Variants in RBFOX1 observed in about 807,000 individuals in gnomAD.
RBFOX1 encodes the protein RNA binding protein fox-1 homolog 1.
In RBFOX1, 8 loss-of-function variants were observed where a neutral mutation model predicts 57.7. That is an observed-to-expected ratio of 0.14 (90% CI 0.08 to 0.25). RBFOX1 has a LOEUF of 0.25. Among genes scored for constraint, RBFOX1 ranks in the 10% least tolerant of loss-of-function variants. The pLI is 1.00. For synonymous variants in RBFOX1, 326 were observed against 222.4 expected (o/e 1.47, Z -4.15); for missense variants, 611 against 548.5 (o/e 1.11, Z -1.14).
chr16:5,960,064 G>C (rs192794732), intron 4 of RBFOX1, among the ~76,000 whole-genome samples: 1 of 152,130 alleles, frequency 6.6e-6, no homozygotes, highest in African/African-American at 2.4e-5. Flanking sequence ...AGCCGGGCAT[G>C]GTGACATGTG....
intron 4 of RBFOX1, among the ~76,000 whole-genome samples, chr16:7,109,910 C>G: frequency 6.6e-6 from 1 of 152,142 alleles, no homozygotes; most frequent in Admixed American, 6.5e-5. Context: ...AAAGAGCCCC[C>G]TATCAGGTAA....
At chr16:6,667,129 G>A (rs1206455004) in intron 3 of RBFOX1, among the ~76,000 whole-genome samples, 4 of 152,068 alleles carry the variant, frequency 2.6e-5, no homozygotes, top group Non-Finnish European at 4.4e-5. Context: ...GGAGAGGGAG[G>A]CAGGTAAAAA....
intron 1 of RBFOX1, chr16:5,240,193 C>G (rs1299492346): frequency 1.1e-6 from 1 of 935,868 alleles, no homozygotes; most frequent in Non-Finnish European, 1.7e-6. Flanking sequence ...GGCTCCGTGG[C>G]CGGCCCCGGG....
At chr16:6,811,744 C>G (rs12918659) in intron 3 of RBFOX1, among the ~76,000 whole-genome samples, 60,399 of 151,924 alleles carry the variant, frequency 0.4, 12,987 homozygotes, top group Non-Finnish European at 0.46. Context: ...CAGAAATTAG[C>G]TGGGCGTGGT....
At chr16:5,713,681 G>C (rs1231410766) in intron 3 of RBFOX1, among the ~76,000 whole-genome samples, 1 of 152,196 alleles carries the variant, frequency 6.6e-6, no homozygotes, top group Non-Finnish European at 1.5e-5. Context: ...TTGTAGATAA[G>C]TTCTTGCTCT....
chr16:6,660,381 T>A (rs959502949), intron 3 of RBFOX1, among the ~76,000 whole-genome samples: 1 of 152,132 alleles, frequency 6.6e-6, no homozygotes, highest in South Asian at 2.1e-4. Context: ...ATCCCGCACA[T>A]GTACCCCAGA....
chr16:6,436,032 GT>G (rs1450186789), intron 2 of RBFOX1, among the ~76,000 whole-genome samples: 2 of 152,126 alleles, frequency 1.3e-5, no homozygotes, highest in Non-Finnish European at 2.9e-5. Context: ...GTTAGAAATG[GT>G]TAAAATCTGC....
At chr16:6,721,008 G>A (rs1013403364) in intron 3 of RBFOX1, among the ~76,000 whole-genome samples, 9 of 152,156 alleles carry the variant, frequency 5.9e-5, no homozygotes, top group African/African-American at 1.4e-4. Context: ...ATGAGGTCAC[G>A]AATATGCAGC....
In RBFOX1 at chr16:6,535,867, AT is replaced by A. The variant is rs1439515817; in HGVS notation, c.-63-118730del. ...CTTTTTCTCAATAGTGGCAATGTAG[AT>A]TTTTTAAAGTTTATTTTTCAGTTTC... On this transcript the variant is annotated intron_variant, in intron 2 of 15. Transcript: ENST00000550418. Among the ~76,000 whole-genome samples the A allele has an allele frequency of 2.6e-5, 4 of 152,256 alleles. No homozygotes were observed. In the East Asian group the frequency reaches 7.7e-4, roughly 29 times the overall value.
chr16:7,275,412 A>G (rs947395832), intron 4 of RBFOX1, among the ~76,000 whole-genome samples: 19 of 152,234 alleles, frequency 1.2e-4, no homozygotes, highest in Non-Finnish European at 2.5e-4. Context: ...TTTATCAAAT[A>G]TTTATCAGCA....
At chr16:5,850,856 A>T (rs1042034205) in intron 3 of RBFOX1, among the ~76,000 whole-genome samples, 1 of 152,226 alleles carries the variant, frequency 6.6e-6, no homozygotes, top group Non-Finnish European at 1.5e-5. Context: ...GCAGGGAGAC[A>T]GGCAGCTCAG....
At chr16:6,550,258 A>C (rs1305198159) in intron 2 of RBFOX1, among the ~76,000 whole-genome samples, 1 of 151,840 alleles carries the variant, frequency 6.6e-6, no homozygotes, top group African/African-American at 2.4e-5. Flanking sequence ...GCTCACTGCA[A>C]CCTCCGCCTC....
intron 1 of RBFOX1, among the ~76,000 whole-genome samples, chr16:6,166,068 G>C (rs944381156): frequency 6.6e-6 from 1 of 152,190 alleles, no homozygotes; most frequent in Admixed American, 6.5e-5. Context: ...GCAATTCTCA[G>C]AGTGTAGTCT....
intron 3 of RBFOX1, among the ~76,000 whole-genome samples, chr16:6,819,975 C>T (rs987652597): frequency 6.6e-6 from 1 of 151,996 alleles, no homozygotes; most frequent in African/African-American, 2.4e-5. Flanking sequence ...TGGCTGTGTC[C>T]CCACCCAAAT....
At chr16:5,836,746 C>T (rs2056470888) in intron 3 of RBFOX1, among the ~76,000 whole-genome samples, 2 of 152,196 alleles carry the variant, frequency 1.3e-5, no homozygotes, top group South Asian at 2.1e-4. Context: ...ATGCCATTAG[C>T]ATCCCTCCTC....
At chr16:7,094,771 T>TGTGTGG (rs1555466457) in intron 4 of RBFOX1, among the ~76,000 whole-genome samples, 9 of 140,844 alleles carry the variant, frequency 6.4e-5, no homozygotes, top group Admixed American at 2.1e-4. Flanking sequence ...TGTGTGTGTG[T>TGTGTGG]GTGTGGGTGT....
Position 6,843,876 on chromosome 16 carries a change from C to T in RBFOX1, c.-16+189226C>T, listed in dbSNP as rs1166483637. Among the ~76,000 whole-genome samples, 4 of 152,232 alleles carry T rather than the reference C, an allele frequency of 2.6e-5. No homozygotes were observed. In the East Asian group the frequency reaches 5.8e-4, roughly 22 times the overall value. ...CTGTTCCCTCAATATCTTCATATCCCCTGGATTGTCCTTCAGTATCTAAGA... is the reference window on the plus strand; with the variant it reads ...CTGTTCCCTCAATATCTTCATATCCTCTGGATTGTCCTTCAGTATCTAAGA... On this transcript the variant is annotated intron_variant, in intron 3 of 15. Transcript: ENST00000550418.
At chr16:6,988,946 T>C (rs1181411935) in intron 3 of RBFOX1, among the ~76,000 whole-genome samples, 1 of 151,918 alleles carries the variant, frequency 6.6e-6, no homozygotes, top group Non-Finnish European at 1.5e-5. Context: ...TAATTTTTAG[T>C]TGAGATGGGT....
chr16:7,090,508 G>A (rs1044848047), intron 4 of RBFOX1, among the ~76,000 whole-genome samples: 7 of 152,172 alleles, frequency 4.6e-5, no homozygotes, highest in African/African-American at 1.7e-4. Flanking sequence ...GCCCCATTAA[G>A]CCAGTCCAAT....
Sources: gnomAD v4.1 joint callset for allele counts (sites outside exome capture counted in the v4.1 genomes callset) on GRCh38, gnomAD v4.1.1 for gene constraint, MANE v1.5 for transcripts, NCBI Gene and HGNC (gene_info 2026-07-23, HGNC 2026-07-21) for gene names.